SREBF2: variants seen among roughly 807,000 people sequenced by gnomAD.
SREBF2 encodes sterol regulatory element-binding protein 2.
A neutral mutation model predicts 113.1 loss-of-function variants in SREBF2; 55 were observed. The observed-to-expected ratio is 0.49, with a 90% CI of 0.39 to 0.61. The LOEUF is 0.61. Among genes scored for constraint, SREBF2 ranks in the 20% least tolerant of loss-of-function variants. SREBF2 has a pLI of 0.00. For synonymous variants in SREBF2, 593 were observed against 605.7 expected, an observed-to-expected ratio of 0.98 and a Z score of 0.31; for missense variants, 1,349 against 1,487.4, an observed-to-expected ratio of 0.91 and a Z score of 1.53.
intron 1 of SREBF2, among the ~76,000 whole-genome samples, chr22:41,861,400 G>A (rs148075419): frequency 2.0e-4 from 30 of 152,160 alleles, no homozygotes; most frequent in African/African-American, 6.5e-4. Flanking sequence ...GGAGGCTGAG[G>A]CAGGAGAATT....
intron 1 of SREBF2, among the ~76,000 whole-genome samples, chr22:41,862,969 T>G (rs757149259): frequency 1.3e-5 from 2 of 152,226 alleles, no homozygotes; most frequent in African/African-American, 4.8e-5. Flanking sequence ...CTAAGCTTTC[T>G]GACCTGTGTA....
In SREBF2 at chr22:41,904,877, A is replaced by G. The variant is rs1409722522; in HGVS notation, c.3108A>G (p.Glu1036=). The change falls in exon 18 of 19, where the codon GAA becomes GAG. Residue 1036 remains glutamate (E), a synonymous_variant. Coordinates refer to ENST00000361204, the MANE Select transcript of SREBF2 (RefSeq NM_004599.4). ...RPAYRKVFLH[E]ATVRLMAGAS... The stretch of plus-strand genomic sequence containing the variant: ...CACCTCCCCAGGTGTTCCTGCATGA[A>G]GCCACCGTGCGCCTGATGGCAGGAG... 2.5e-6 allele frequency: 4 copies of G among 1,599,250 alleles called. No individual in the cohort carries two copies. Among genetic ancestry groups the G allele is most frequent in the Non-Finnish European group, 2.6e-6 (3 of 1,175,322 alleles).
At chr22:41,868,391 G>A (rs1264515411) in intron 2 of SREBF2, among the ~76,000 whole-genome samples, 1 of 152,138 alleles carries the variant, frequency 6.6e-6, no homozygotes, top group Non-Finnish European at 1.5e-5. Flanking sequence ...GGCACCCAGA[G>A]TAATAAAACA....
At chr22:41,905,326 A>G (rs1040731478) in intron 18 of SREBF2, 114 bp from the exon 19 acceptor site, 1 of 1,044,788 alleles carries the variant, frequency 9.6e-7, no homozygotes, top group Non-Finnish European at 1.4e-6. Flanking sequence ...GGGGCAGCAG[A>G]CCCCACCTCC....
Position 41,905,668 on chromosome 22 carries a change from G to T in SREBF2, c.*8G>T, listed in dbSNP as rs1015769878. The T allele has an allele frequency of 6.4e-7, 1 of 1,566,520 alleles. No individual in the cohort carries two copies. Among genetic ancestry groups the T allele is most frequent in the Admixed American group, 1.9e-5 (1 of 53,170 alleles). ...GCCATTGCCGCCTCCTGACCACCAG[G>T]CTCAGCCCACCCCTCCACCTCTCTC... On this transcript the variant is annotated 3_prime_UTR_variant, in exon 19 of 19. Coordinates refer to ENST00000361204, the MANE Select transcript of SREBF2 (RefSeq NM_004599.4).
intron 10 of SREBF2, 106 bp from the exon 11 acceptor site, chr22:41,884,736 C>T (rs2077283447): frequency 7.3e-6 from 9 of 1,233,400 alleles, no homozygotes; most frequent in South Asian, 3.7e-5. Context: ...AAGTTCACCT[C>T]GCTTCTCCCC....
chr22:41,861,890 G>A (rs947667287), intron 1 of SREBF2, among the ~76,000 whole-genome samples: 4 of 151,702 alleles, frequency 2.6e-5, no homozygotes, highest in African/African-American at 7.3e-5. Context: ...ACCACTGCAC[G>A]CCTGGGCAAC....
chr22:41,890,908 TA>T (rs973760978), intron 11 of SREBF2, among the ~76,000 whole-genome samples: 59 of 144,386 alleles, frequency 4.1e-4, no homozygotes, highest in Admixed American at 4.2e-4. Flanking sequence ...ACTCTGTCTT[TA>T]AAAAAAAAAA....
At chr22:41,842,860 T>A (rs925169902) in intron 1 of SREBF2, among the ~76,000 whole-genome samples, 1 of 152,044 alleles carries the variant, frequency 6.6e-6, no homozygotes, top group South Asian at 2.1e-4. Context: ...CGTGGTGGCA[T>A]GAGCCTGTAA....
rs370189269 is a variant in SREBF2 at position 41,904,849 on chromosome 22, C to T, written c.3094-14C>T. 2.4e-5 allele frequency: 38 copies of T among 1,570,732 alleles called. No individual in the cohort carries two copies. The highest frequency in any genetic ancestry group is 2.0e-4 in the African/African-American group (15 of 74,116). ...ACCAGGGGTGTGATGGATGTCACCC[C>T]GGCACCTCCCCAGGTGTTCCTGCAT... On this transcript the variant is annotated splice_polypyrimidine_tract_variant and intron_variant, in intron 17 of 18. Coordinates refer to ENST00000361204, the MANE Select transcript of SREBF2 (RefSeq NM_004599.4).
Position 41,905,652 on chromosome 22 carries a change from G to A in SREBF2, c.3418G>A (p.Ala1140Thr), listed in dbSNP as rs569655423. The A allele has an allele frequency of 6.2e-5, 98 of 1,580,902 alleles. 1 individual carries two copies. The highest frequency in any genetic ancestry group is 6.1e-4 in the African/African-American group (45 of 74,332). ...GCTGGGTGGTGGCACTGCCATTGCC[G>A]CCTCCTGACCACCAGGCTCAGCCCA... ...VKLGGGTAIA[A>T]S Residue 1140 changes from alanine (A) to threonine (T), a missense_variant, in exon 19 of 19, where the codon GCC becomes ACC. This residue lies in a region of SREBF2 where 650 missense variants were observed against 644.1 expected (regional missense o/e 1.01). Coordinates refer to ENST00000361204, the MANE Select transcript of SREBF2 (RefSeq NM_004599.4).
At chr22:41,905,273 C>T (rs774011429) in intron 18 of SREBF2, among the ~76,000 whole-genome samples, 167 bp from the exon 19 acceptor site, 15 of 152,338 alleles carry the variant, frequency 9.8e-5, no homozygotes, top group Admixed American at 2.6e-4. Flanking sequence ...ACGGGCTGGC[C>T]GTGAGAGGCT....
At chr22:41,874,290 C>T (rs2077172909) in intron 5 of SREBF2, among the ~76,000 whole-genome samples, 1 of 152,104 alleles carries the variant, frequency 6.6e-6, no homozygotes, top group Admixed American at 6.6e-5. Flanking sequence ...CTGTCAGAGG[C>T]AGAGAAAGAT....
At chr22:41,873,540 C>A in intron 4 of SREBF2, 1 of 513,700 alleles carries the variant, frequency 1.9e-6, no homozygotes, top group Admixed American at 3.2e-5. Flanking sequence ...TAGATCAAAA[C>A]TTAAAACATA....
At chr22:41,865,529 C>T (rs1252312914) in intron 1 of SREBF2, among the ~76,000 whole-genome samples, 1 of 152,074 alleles carries the variant, frequency 6.6e-6, no homozygotes, top group Non-Finnish European at 1.5e-5. Context: ...TTTGGAAAGC[C>T]TTTGGGAAGA....
At chr22:41,873,677 A>G in intron 4 of SREBF2, 121 bp from the exon 5 acceptor site, 2 of 986,100 alleles carry the variant, frequency 2.0e-6, no homozygotes, top group Non-Finnish European at 3.1e-6. Context: ...GAAGAGTCTC[A>G]GACCTCATGA....
At chr22:41,898,929 G>A (rs1199495079) in intron 15 of SREBF2, 148 bp downstream of exon 15, 20 of 1,169,844 alleles carry the variant, frequency 1.7e-5, no homozygotes, top group Non-Finnish European at 2.3e-5. Context: ...GGGGGTGAGG[G>A]CACCATGGAG....
chr22:41,898,376 C>T (rs1336276497), intron 14 of SREBF2, among the ~76,000 whole-genome samples: 1 of 152,182 alleles, frequency 6.6e-6, no homozygotes, highest in Non-Finnish European at 1.5e-5. Context: ...CCTCAGCCTC[C>T]CAAAATGCTG....
At chr22:41,838,125 A>G (rs2076796367) in intron 1 of SREBF2, among the ~76,000 whole-genome samples, 1 of 152,180 alleles carries the variant, frequency 6.6e-6, no homozygotes, top group South Asian at 2.1e-4. Context: ...GAAGGGCAGC[A>G]AGGTGGGATC....
Sources: allele counts gnomAD v4.1 joint callset (sites outside exome capture counted in the v4.1 genomes callset), GRCh38; gene constraint gnomAD v4.1.1; regional missense constraint gnomAD v4.1.1; transcripts MANE v1.5; gene names NCBI Gene and HGNC (gene_info 2026-07-23, HGNC 2026-07-21).